CEBPZ: variants seen among roughly 807,000 people sequenced by gnomAD.
CEBPZ encodes CCAAT enhancer binding protein zeta, also known as CCAAT/enhancer-binding protein zeta.
CEBPZ carries 78 observed loss-of-function variants against 104.5 expected under a neutral mutation model. The ratio of observed to expected loss-of-function variants is 0.75; its 90% CI spans 0.62 to 0.90. The LOEUF is 0.90. CEBPZ is among the 40% of genes least tolerant of loss of function. The pLI is 0.00. For synonymous variants in CEBPZ, 470 were observed against 427.0 expected (o/e 1.10, Z -1.24); for missense variants, 1,439 against 1,233.5 (o/e 1.17, Z -2.50).
chr2:37,214,832 T>C (rs1558472496), intron 9 of CEBPZ, 54 bp downstream of exon 9: 1 of 1,141,518 alleles, frequency 8.8e-7, no homozygotes, highest in Non-Finnish European at 1.3e-6. Flanking sequence ...TTATGAAATC[T>C]AAAAATTTAA....
At chr2:37,202,682 A>AAAAAAAAAAAAAAAAAAAAAAAAAAC (rs1677325764) in intron 15 of CEBPZ, 102 bp downstream of exon 15, 1 of 236,330 alleles carries the variant, frequency 4.2e-6, no homozygotes, top group Non-Finnish European at 7.5e-6. Flanking sequence ...AAAAAAAAAA[A>AAAAAAAAAAAAAAAAAAAAAAAAAAC]AAAAAAAAAA....
intron 13 of CEBPZ, among the ~76,000 whole-genome samples, chr2:37,207,250 CAG>C (rs1677570456): frequency 2.0e-5 from 3 of 152,276 alleles, no homozygotes; most frequent in African/African-American, 7.2e-5. Flanking sequence ...GTCATCAAGA[CAG>C]AAAGTCAACA....
chr2:37,202,824 A>G lies in CEBPZ; in HGVS notation c.2985T>C (p.Asp995=). 1 of 1,600,656 alleles carries G rather than the reference A, an allele frequency of 6.2e-7. No individual in the cohort carries two copies. The highest frequency in any genetic ancestry group is 8.5e-7 in the Non-Finnish European group (1 of 1,174,016). ...LLDENMGSKF[D]NIGMNAMANK... is the part of the protein sequence containing the mutation. ...TAGCCATGGCATTCATGCCAATGTT[A>G]TCAAACTTGGATCCCATATTTTCAT... The change falls in exon 15 of 16, where the codon GAT becomes GAC. Residue 995 remains aspartate, a synonymous_variant. Transcript: ENST00000234170.
At chr2:37,212,182 T>G in intron 11 of CEBPZ, 143 bp from the exon 12 acceptor site, 1 of 983,650 alleles carries the variant, frequency 1.0e-6, no homozygotes, top group Non-Finnish European at 1.5e-6. Flanking sequence ...TAACGTGCTT[T>G]ATAAATGTCA....
At chr2:37,212,260 G>T in intron 11 of CEBPZ, 75 bp downstream of exon 11, 2 of 1,303,664 alleles carry the variant, frequency 1.5e-6, no homozygotes, top group Non-Finnish European at 2.2e-6. Context: ...ATATAGTTCT[G>T]TGGTCTACTG....
Position 37,201,857 on chromosome 2 carries a change from G to A in CEBPZ, c.3072C>T (p.His1024=), listed in dbSNP as rs1407221736. The A allele has an allele frequency of 6.2e-7, 1 of 1,613,134 alleles. No homozygotes were observed. The highest frequency in any genetic ancestry group is 8.5e-7 in the Non-Finnish European group (1 of 1,179,578). ...TGATGATACTTTTTGCATCTCTGTT[G>A]TGTAGCCAGTCATCACGTTCAGCCT... ...RWEAERDDWL[H]NRDAKSIIKK... is the part of the protein sequence containing the mutation. Residue 1024 remains histidine (H), a synonymous_variant, in exon 16 of 16, where the codon CAC becomes CAT. Transcript: ENST00000234170.
At chr2:37,204,628 A>C (rs1222154099) in intron 13 of CEBPZ, 1 of 152,104 alleles carries the variant, frequency 6.6e-6, no homozygotes, top group African/African-American at 2.4e-5. Context: ...AGGCTGATTA[A>C]AGTTTCTATA....
At position 37,227,892 on chromosome 2, in the gene CEBPZ, C is replaced by G. The variant is rs148737427; in HGVS notation, c.1301G>C (p.Ser434Thr). ...AATTGCATAATATTGAGCTTTGGAG[C>G]TGATATTTGAGCGGAAGAGTAGCCT... ...VERLLFRSNISSKAQYYAICF... is the reference protein window; with the variant it reads ...VERLLFRSNITSKAQYYAICF... Residue 434 changes from serine (S) to threonine (T), a missense_variant, in exon 2 of 16, where the codon AGC becomes ACC. By Grantham distance (58) the Ser-to-Thr change is moderately conservative. Transcript: ENST00000234170. The G allele has an allele frequency of 6.2e-7, 1 of 1,614,146 alleles. No individual in the cohort carries two copies. Among genetic ancestry groups the G allele is most frequent in the Admixed American group, 1.7e-5 (1 of 60,026 alleles).
intron 1 of CEBPZ, among the ~76,000 whole-genome samples, chr2:37,230,790 A>G (rs1385201920): frequency 1.3e-5 from 2 of 152,032 alleles, no homozygotes; most frequent in African/African-American, 4.8e-5. Context: ...TGCTGTTCCA[A>G]CTGACTGGAA....
rs868291345 is a variant in CEBPZ, at chr2:37,231,557, A to G, written c.11T>C (p.Val4Ala). The G allele has an allele frequency of 3.1e-6, 5 of 1,614,196 alleles. No individual in the cohort carries two copies. The African/African-American group carries it at 5.3e-5, about 17-fold the overall frequency. The change falls in exon 1 of 16, where the codon GTC becomes GCC. Residue 4 changes from valine (V) to alanine (A), a missense_variant. By Grantham distance (64) the Val-to-Ala change is moderately conservative (BLOSUM62 0). Transcript: ENST00000234170. The stretch of plus-strand genomic sequence containing the variant: ...GGCATGGAACTCCAAAGGCTCCTTG[A>G]CTGCGGCCATGGCGGGCAAAGCATA... MAA[V>A]KEPLEFHAKR...
Position 37,228,192 on chromosome 2 carries a change from T to C in CEBPZ, c.1001A>G (p.Tyr334Cys). The C allele has an allele frequency of 2.5e-6, 4 of 1,614,238 alleles. No individual in the cohort carries two copies. Among genetic ancestry groups the C allele is most frequent in the Non-Finnish European group, 3.4e-6 (4 of 1,180,040 alleles). The part of the protein sequence containing the change: ...DSRDRRLILW[Y>C]FEHQLKHLVA... ...TAAGTGTTTCAGCTGGTGTTCAAAA[T>C]ACCATAATATCAGTCTTCTATCTCT... The change falls in exon 2 of 16, where the codon TAT becomes TGT. Residue 334 changes from tyrosine to cysteine, a missense_variant. Tyr to Cys is a radical substitution (Grantham distance 194). Coordinates refer to ENST00000234170, the MANE Select transcript of CEBPZ (RefSeq NM_005760.3).
intron 1 of CEBPZ, among the ~76,000 whole-genome samples, chr2:37,229,513 G>A (rs189711532): frequency 3.3e-5 from 5 of 152,176 alleles, no homozygotes; most frequent in African/African-American, 1.2e-4. Flanking sequence ...TTTATCAGAT[G>A]AGCAAAGATA....
intron 1 of CEBPZ, 26 bp downstream of exon 1, chr2:37,231,386 C>G (rs777814899): frequency 2.3e-5 from 37 of 1,613,198 alleles, no homozygotes; most frequent in Non-Finnish European, 3.1e-5. Context: ...CGCCTGATCC[C>G]GTTCCCCGGA....
At chr2:37,205,706 A>G (rs1207807250) in intron 13 of CEBPZ, among the ~76,000 whole-genome samples, 2 of 152,244 alleles carry the variant, frequency 1.3e-5, no homozygotes, top group African/African-American at 4.8e-5. Flanking sequence ...AGCAGTAAGC[A>G]GAAGCCAGAG....
Position 37,201,721 on chromosome 2 carries a change from T to C in CEBPZ, c.*43A>G. On this transcript the variant is annotated 3_prime_UTR_variant, in exon 16 of 16. Coordinates refer to ENST00000234170, the MANE Select transcript of CEBPZ (RefSeq NM_005760.3). ...AAAAAACATGGTTGAACAGCAAAAATTAGATGTAAGTAGAATTTTAATCTA... is the reference window on the plus strand; with the variant it reads ...AAAAAACATGGTTGAACAGCAAAAACTAGATGTAAGTAGAATTTTAATCTA... 8.5e-7 allele frequency: 1 copy of C among 1,170,214 alleles called. No individual in the cohort carries two copies. Among genetic ancestry groups the C allele is most frequent in the Non-Finnish European group, 1.3e-6 (1 of 797,222 alleles). The allele number at this position is 1,170,214 out of a possible 1,614,324, so 72.5% of individuals were successfully genotyped here. A position where few individuals can be genotyped will look rare whatever the true frequency, so the allele number is the denominator to read the frequency against.
At chr2:37,207,391 C>T (rs1484212564) in intron 13 of CEBPZ, among the ~76,000 whole-genome samples, 1 of 152,124 alleles carries the variant, frequency 6.6e-6, no homozygotes, top group African/African-American at 2.4e-5. Context: ...AAGGATAGAC[C>T]ATATGGTAGG....
chr2:37,220,918 G>T (rs1291269014), intron 4 of CEBPZ, among the ~76,000 whole-genome samples: 1 of 152,142 alleles, frequency 6.6e-6, no homozygotes, highest in Non-Finnish European at 1.5e-5. Flanking sequence ...GATCACTTGA[G>T]CCCAGGAGAT....
rs762181890 is a variant in CEBPZ at position 37,228,713 on chromosome 2, C to T, written c.480G>A (p.Lys160=). 8.1e-6 allele frequency: 13 copies of T among 1,614,168 alleles called. No individual in the cohort carries two copies. The highest frequency in any genetic ancestry group is 5.0e-5 in the Admixed American group (3 of 60,028). ...ATTCAAAGATGTTCTGTTTATCTTT[C>T]TTTACTTTCGGTGTGGTACTGCCAT... The part of the protein sequence containing the change: ...DENGSTTPKV[K]KDKQNIFEFF... Residue 160 remains lysine (K), a synonymous_variant, in exon 2 of 16, where the codon AAG becomes AAA. Transcript: ENST00000234170.
chr2:37,213,647 C>A, intron 10 of CEBPZ: 2 of 423,296 alleles, frequency 4.7e-6, no homozygotes, highest in South Asian at 5.2e-5. Context: ...CTCCTGACCT[C>A]AAACAATCTT....
Sources: gnomAD v4.1 joint callset for allele counts (sites outside exome capture counted in the v4.1 genomes callset) on GRCh38, gnomAD v4.1.1 for gene constraint, MANE v1.5 for transcripts, NCBI Gene and HGNC (gene_info 2026-07-23, HGNC 2026-07-21) for gene names.